ZNF33B: variants seen among roughly 807,000 people sequenced by gnomAD.
ZNF33B encodes the protein zinc finger protein 11b (KOX 2).
In ZNF33B, 29 loss-of-function variants were observed where a neutral mutation model predicts 45.8. The ratio of observed to expected loss-of-function variants is 0.63; its 90% confidence interval spans 0.47 to 0.86. ZNF33B has a LOEUF of 0.86. Ranked by LOEUF, ZNF33B falls within the 40% of genes least tolerant of loss-of-function variation. The pLI is 0.00. For synonymous variants in ZNF33B, 305 were observed against 307.8 expected, an observed-to-expected ratio of 0.99 and a Z score of 0.10; for missense variants, 831 against 909.9, an observed-to-expected ratio of 0.91 and a Z score of 1.12.
chr10:42,607,483 T>G (rs1442924655), intron 4 of ZNF33B, among the ~76,000 whole-genome samples: 1 of 152,084 alleles, frequency 6.6e-6, no homozygotes, highest in Non-Finnish European at 1.5e-5. Flanking sequence ...CATCTCTATG[T>G]GATATGTCTG....
Position 42,594,689 on chromosome 10 carries a change from T to C in ZNF33B, c.261A>G (p.Thr87=), listed in dbSNP as rs769059917. The change falls in exon 5 of 5, where the codon ACA becomes ACG. Residue 87 remains threonine, a synonymous_variant. Coordinates refer to ENST00000359467, the MANE Select transcript of ZNF33B (RefSeq NM_006955.3). The stretch of plus-strand genomic sequence containing the variant: ...GGCTCCTCTCTTTCAGGTGATCAGC[T>C]GTCCAGACTTCTACAAACAAACAAA... ...FPSQSFPEVW[T]ADHLKERSQE... 7.0e-6 allele frequency: 11 copies of C among 1,563,002 alleles called. No homozygotes were observed. The highest frequency in any genetic ancestry group is 6.9e-6 in the Non-Finnish European group (8 of 1,161,378).
intron 4 of ZNF33B, among the ~76,000 whole-genome samples, chr10:42,605,495 C>T (rs985806247): frequency 3.3e-5 from 5 of 151,916 alleles, no homozygotes; most frequent in Admixed American, 1.3e-4. Flanking sequence ...GAACTATTTG[C>T]AAAACAGAGG....
intron 1 of ZNF33B, 29 bp downstream of exon 1, chr10:42,638,445 C>T: frequency 2.8e-6 from 1 of 358,274 alleles, no homozygotes; most frequent in Non-Finnish European, 5.6e-6. Flanking sequence ...GGCCCCCTCT[C>T]CGTCCCTGCC....
At chr10:42,635,896 C>T (rs999980205) in intron 2 of ZNF33B, among the ~76,000 whole-genome samples, 2 of 151,774 alleles carry the variant, frequency 1.3e-5, no homozygotes, top group African/African-American at 2.4e-5. Flanking sequence ...TTTGGGAGGC[C>T]GAGGAGGGCA....
chr10:42,595,812 C>T (rs908318830), intron 4 of ZNF33B, among the ~76,000 whole-genome samples: 7 of 152,192 alleles, frequency 4.6e-5, no homozygotes, highest in East Asian at 3.9e-4. Flanking sequence ...CAGAAACCAA[C>T]GCTGTTGTCA....
intron 4 of ZNF33B, among the ~76,000 whole-genome samples, chr10:42,614,643 C>G (rs577208865): frequency 6.6e-6 from 1 of 152,152 alleles, no homozygotes; most frequent in Non-Finnish European, 1.5e-5. Context: ...CATAAATAGC[C>G]AACAGGTGCA....
intron 4 of ZNF33B, among the ~76,000 whole-genome samples, chr10:42,628,738 G>A (rs1484254021): frequency 6.6e-6 from 1 of 152,038 alleles, no homozygotes; most frequent in Non-Finnish European, 1.5e-5. Flanking sequence ...GGAGCAAGAT[G>A]GTGGAATAGA....
In ZNF33B at chr10:42,589,121, T is replaced by A. The variant is rs1312409632; in HGVS notation, c.*3492A>T. 3.1e-6 allele frequency: 1 copy of A among 318,866 alleles called. No homozygotes were observed. Among genetic ancestry groups the A allele is most frequent in the African/African-American group, 2.2e-5 (1 of 44,568 alleles). 19.8% of individuals were successfully genotyped at this position (318,866 alleles called of 1,614,324 possible). A position where few individuals can be genotyped will look rare whatever the true frequency, so the allele number is the denominator to read the frequency against. On this transcript the variant is annotated 3_prime_UTR_variant, in exon 5 of 5. Transcript: ENST00000359467. ...ATGTTCCTCAGGGTTGGTTGGTTAT[T>A]TACTTATTTATTTACTTAATACACT... is the stretch of plus-strand genomic sequence containing the variant.
intron 4 of ZNF33B, among the ~76,000 whole-genome samples, chr10:42,625,409 G>A (rs746138228): frequency 2.6e-5 from 4 of 152,098 alleles, no homozygotes; most frequent in South Asian, 2.1e-4. Flanking sequence ...GATTATATGT[G>A]TTCATCTTGG....
chr10:42,581,979 G>A (rs887661650), intron 1 of ZNF33B: 10 of 152,440 alleles, frequency 6.6e-5, no homozygotes, highest in African/African-American at 2.4e-4. Flanking sequence ...GCCAGGGCAT[G>A]ATGGTGCATG....
intron 4 of ZNF33B, among the ~76,000 whole-genome samples, chr10:42,620,453 A>G (rs1264117016): frequency 6.6e-6 from 1 of 152,044 alleles, no homozygotes; most frequent in Admixed American, 6.6e-5. Context: ...CCCAGGCTGG[A>G]GTGCAGTGAC....
chr10:42,632,871 T>C lies in ZNF33B; in HGVS notation c.10-432A>G, dbSNP rs1839123582. 3 of 182,124 alleles carry C rather than the reference T, an allele frequency of 1.6e-5. No individual in the cohort carries two copies. The Middle Eastern group carries it at 1.5e-3, about 88-fold the overall frequency. 11.3% of individuals were successfully genotyped at this position (182,124 alleles called of 1,614,324 possible). On this transcript the variant is annotated intron_variant, in intron 2 of 4. Transcript: ENST00000359467. ...TACGTCCTTCATAAGCACGGGGCCATGATACAAGCAAAGGTGAGGGCCTCC... is the reference window on the plus strand; with the variant it reads ...TACGTCCTTCATAAGCACGGGGCCACGATACAAGCAAAGGTGAGGGCCTCC...
At chr10:42,601,905 A>C (rs1225122471) in intron 4 of ZNF33B, among the ~76,000 whole-genome samples, 1 of 123,820 alleles carries the variant, frequency 8.1e-6, no homozygotes, top group East Asian at 2.5e-4. Context: ...TCTATGTGAT[A>C]TTCTTTTTTT....
At chr10:42,586,047 C>T (rs578240053), downstream of ZNF33B, among the ~76,000 whole-genome samples, 38 of 152,312 alleles carry the variant, frequency 2.5e-4, no homozygotes, top group African/African-American at 8.7e-4. Context: ...GTTATTACTA[C>T]ACACAGACAC....
chr10:42,624,639 A>G (rs1346831096), intron 4 of ZNF33B, among the ~76,000 whole-genome samples: 1 of 152,206 alleles, frequency 6.6e-6, no homozygotes, highest in African/African-American at 2.4e-5. Flanking sequence ...CTACTCTTGC[A>G]CTTTAGGGCC....
At chr10:42,610,860 A>C (rs989438940) in intron 4 of ZNF33B, among the ~76,000 whole-genome samples, 3 of 152,230 alleles carry the variant, frequency 2.0e-5, no homozygotes, top group African/African-American at 7.2e-5. Flanking sequence ...ATCTTTAAAA[A>C]GAAGTAGAAA....
intron 1 of ZNF33B, among the ~76,000 whole-genome samples, chr10:42,575,805 A>T (rs1160394795): frequency 2.0e-5 from 3 of 150,760 alleles, no homozygotes; most frequent in African/African-American, 7.3e-5. Flanking sequence ...ATCTCAGCTC[A>T]CCACGACATC....
intron 1 of ZNF33B, among the ~76,000 whole-genome samples, chr10:42,583,829 T>G (rs376192759): frequency 2.0e-5 from 3 of 152,006 alleles, no homozygotes. Context: ...GGAATGAAGC[T>G]GGAACCTCTT....
At chr10:42,616,068 T>C (rs554655726) in intron 4 of ZNF33B, among the ~76,000 whole-genome samples, 1 of 151,920 alleles carries the variant, frequency 6.6e-6, no homozygotes, top group Admixed American at 6.6e-5. Flanking sequence ...CAGCTGGGTG[T>C]GGGGGCATGC....
Sources: allele counts gnomAD v4.1 joint callset (sites outside exome capture counted in the v4.1 genomes callset), GRCh38; gene constraint gnomAD v4.1.1; transcripts MANE v1.5; gene names NCBI Gene and HGNC (gene_info 2026-07-23, HGNC 2026-07-21).